The following MAP2K5 variants were observed in gnomAD, a reference collection of about 807,000 sequenced individuals.
The protein encoded by MAP2K5 is dual specificity mitogen-activated protein kinase kinase 5.
A neutral mutation model predicts 83.1 loss-of-function variants in MAP2K5; 49 were observed. That is an observed-to-expected ratio of 0.59 (90% CI 0.47 to 0.75). The LOEUF is 0.75. Among genes scored for constraint, MAP2K5 ranks in the 30% least tolerant of loss-of-function variants. The probability of loss-of-function intolerance (pLI) is 0.00; values close to 1 mark genes in which losing one functional copy is unlikely to be tolerated. For synonymous variants in MAP2K5, 202 were observed against 191.8 expected (o/e 1.05, Z -0.44); for missense variants, 457 against 557.5 (o/e 0.82, Z 1.82).
intron 17 of MAP2K5, among the ~76,000 whole-genome samples, chr15:67,742,187 G>A (rs551676191): frequency 3.3e-5 from 5 of 152,258 alleles, no homozygotes; most frequent in South Asian, 2.1e-4. Context: ...CACTGCGCCC[G>A]GCCAAGAAAG....
intron 11 of MAP2K5, among the ~76,000 whole-genome samples, chr15:67,650,298 C>T (rs7168631): frequency 1.3e-5 from 2 of 152,078 alleles, no homozygotes; most frequent in Non-Finnish European, 2.9e-5. Flanking sequence ...CTTTTCAATT[C>T]TGAATGTCTT....
intron 6 of MAP2K5, 37 bp from the exon 7 acceptor site, chr15:67,592,889 G>C (rs769654852): frequency 6.7e-7 from 1 of 1,490,610 alleles, no homozygotes; most frequent in East Asian, 2.3e-5. Context: ...CAGAGGTGTT[G>C]ATGATCTTGC....
intron 2 of MAP2K5, among the ~76,000 whole-genome samples, chr15:67,550,472 C>T (rs979813174): frequency 8.5e-5 from 13 of 152,210 alleles, no homozygotes; most frequent in Non-Finnish European, 5.9e-5. Context: ...TTACCATGAG[C>T]ATTACATGGA....
intron 8 of MAP2K5, among the ~76,000 whole-genome samples, chr15:67,615,547 A>C (rs1395971024): frequency 6.6e-6 from 1 of 152,084 alleles, no homozygotes; most frequent in Non-Finnish European, 1.5e-5. Context: ...ATTTCTGTGG[A>C]TGGCTACTTT....
Position 67,750,268 on chromosome 15 carries a change from C to G in MAP2K5, c.1134+1667C>G, listed in dbSNP as rs960589742. On this transcript the variant is annotated intron_variant, in intron 19 of 21. Transcript: ENST00000178640. This position sits in a 1 kb window ranked among gnomAD's most constrained non-coding sequence, Gnocchi z 4.2. ...AAAAATGTAACTTAGACATATATTC[C>G]TGTTTACTCTAAAACCATCTTCCTT... Among the ~76,000 whole-genome samples, 1 of 152,178 alleles carries G rather than the reference C, an allele frequency of 6.6e-6. No homozygotes were observed. The highest frequency in any genetic ancestry group is 2.4e-5 in the African/African-American group (1 of 41,444).
intron 16 of MAP2K5, among the ~76,000 whole-genome samples, chr15:67,710,149 C>T (rs1242698310): frequency 3.9e-5 from 6 of 152,116 alleles, no homozygotes; most frequent in Admixed American, 2.6e-4. Flanking sequence ...GGTGCACCAC[C>T]GCACCCATCT....
intron 16 of MAP2K5, among the ~76,000 whole-genome samples, chr15:67,711,535 A>T (rs558868264): frequency 1.3e-5 from 2 of 152,242 alleles, no homozygotes; most frequent in Non-Finnish European, 2.9e-5. Flanking sequence ...AAAAGGAATT[A>T]CCGTTTGAAA....
At chr15:67,568,819 A>C (rs535486323) in intron 3 of MAP2K5, among the ~76,000 whole-genome samples, 3 of 152,016 alleles carry the variant, frequency 2.0e-5, no homozygotes, top group South Asian at 4.2e-4. Flanking sequence ...ATCCTGACTA[A>C]CACTGTGAAA....
intron 8 of MAP2K5, among the ~76,000 whole-genome samples, chr15:67,621,140 T>G (rs947929995): frequency 6.6e-6 from 1 of 152,166 alleles, no homozygotes; most frequent in African/African-American, 2.4e-5. Flanking sequence ...AAAAGAATGC[T>G]GCTACTGTGG....
Position 67,757,049 on chromosome 15 carries a change from A to C in MAP2K5, c.1134+8448A>C, listed in dbSNP as rs916316089. Among the ~76,000 whole-genome samples the C allele has an allele frequency of 1.3e-5, 2 of 152,044 alleles. No individual in the cohort carries two copies. ...CAGGATAGTGATTTATTTCCTTTAG[A>C]TATACACCGAGAAGTTGGATTACTG... On this transcript the variant is annotated intron_variant, in intron 19 of 21. Coordinates refer to ENST00000178640, the MANE Select transcript of MAP2K5 (RefSeq NM_145160.3). This position sits in a 1 kb window ranked among gnomAD's most constrained non-coding sequence, Gnocchi z 4.9.
intron 13 of MAP2K5, among the ~76,000 whole-genome samples, chr15:67,691,158 A>G (rs1692268117): frequency 6.6e-6 from 1 of 152,168 alleles, no homozygotes; most frequent in Admixed American, 6.5e-5. Flanking sequence ...TTATTCACTC[A>G]TCCATTCAAC....
At chr15:67,672,348 C>T (rs1281794401) in intron 13 of MAP2K5, among the ~76,000 whole-genome samples, 13 of 150,962 alleles carry the variant, frequency 8.6e-5, no homozygotes, top group East Asian at 1.9e-4. Context: ...TTTTAATGAT[C>T]GCCATTCTAA....
rs1306168958 is a variant in MAP2K5 at position 67,623,816 on chromosome 15, C to T, written c.546-7072C>T. ...TTCTCCATGTTGGTCAGGCTGGTCT[C>T]GAACTCCCAACCTCAGGTGATACGC... On this transcript the variant is annotated intron_variant, in intron 8 of 21. Transcript: ENST00000178640. Among the ~76,000 whole-genome samples the T allele has an allele frequency of 4.0e-5, 6 of 151,792 alleles. 1 individual carries two copies. Among genetic ancestry groups the T allele is most frequent in the East Asian group, 3.9e-4 (2 of 5,112 alleles).
chr15:67,782,843 T>TTGGA lies in MAP2K5; in HGVS notation c.1242+10091_1242+10092insTGGA. 6.6e-6 allele frequency among the ~76,000 whole-genome samples: 1 copy of TTGGA among 152,340 alleles called. No homozygotes were observed. Among genetic ancestry groups the TTGGA allele is most frequent in the South Asian group, 2.1e-4 (1 of 4,826 alleles). On this transcript the variant is annotated intron_variant, in intron 21 of 21. Transcript: ENST00000178640. This position sits in a 1 kb window ranked among gnomAD's most constrained non-coding sequence, Gnocchi z 4.9. ...AAAGTCCCTTCTCCAAAACAAGCTT[T>TTGGA]CCTCCCGTCAGGGAGGTCAGCAGAG...
At chr15:67,787,361 T>C (rs1331872341) in intron 21 of MAP2K5, among the ~76,000 whole-genome samples, 1 of 152,260 alleles carries the variant, frequency 6.6e-6, no homozygotes, top group Non-Finnish European at 1.5e-5. Flanking sequence ...TCTGTCACTA[T>C]CAGGGAAAAT....
In MAP2K5 at chr15:67,738,467, C is replaced by A. The variant is rs1392568133; in HGVS notation, c.1075-9764C>A. The stretch of plus-strand genomic sequence containing the variant: ...GGCATAGGAGGCAGCAAATGACACA[C>A]CCGACAAGTGACAAATTAAGTCACT... On this transcript the variant is annotated intron_variant, in intron 17 of 21. Transcript: ENST00000178640. This position sits in a 1 kb window ranked among gnomAD's most constrained non-coding sequence, Gnocchi z 4.1. Among the ~76,000 whole-genome samples the A allele has an allele frequency of 1.3e-5, 2 of 152,194 alleles. No individual in the cohort carries two copies. The highest frequency in any genetic ancestry group is 4.8e-5 in the African/African-American group (2 of 41,456).
At chr15:67,791,214 A>T (rs561633096) in intron 21 of MAP2K5, among the ~76,000 whole-genome samples, 1 of 152,334 alleles carries the variant, frequency 6.6e-6, no homozygotes, top group South Asian at 2.1e-4. Flanking sequence ...GAAGCTTTGG[A>T]AGAGGAGACT....
chr15:67,686,603 A>AAATAATAATAATAATAATAAT (rs57116318), intron 13 of MAP2K5, among the ~76,000 whole-genome samples: 5 of 148,452 alleles, frequency 3.4e-5, no homozygotes, highest in African/African-American at 1.2e-4. Flanking sequence ...ACTGTGTCTC[A>AAATAATAATAATAATAATAAT]AATAATAATA....
At chr15:67,605,658 G>A (rs563898027) in intron 8 of MAP2K5, among the ~76,000 whole-genome samples, 1 of 152,240 alleles carries the variant, frequency 6.6e-6, no homozygotes, top group African/African-American at 2.4e-5. Context: ...TTTCTATACA[G>A]CATTTCTTTT....
Sources: gnomAD v4.1 joint callset for allele counts (sites outside exome capture counted in the v4.1 genomes callset) on GRCh38, gnomAD v4.1.1 for gene constraint, Gnocchi (gnomAD v3.1) non-coding constraint, MANE v1.5 for transcripts, NCBI Gene and HGNC (gene_info 2026-07-23, HGNC 2026-07-21) for gene names.